Variants in NAA25 observed in about 807,000 individuals in gnomAD.
NAA25 encodes the protein N-alpha-acetyltransferase 25, NatB auxiliary subunit, also known as N-terminal acetyltransferase B complex subunit NAA25.
Under a neutral mutation model 132.5 loss-of-function variants are expected in NAA25, and 30 were observed. The observed-to-expected ratio is 0.23, with a 90% CI of 0.17 to 0.31. The LOEUF is 0.31. Ranked by LOEUF, NAA25 falls within the 10% of genes least tolerant of loss-of-function variation. The pLI, the probability that NAA25 is intolerant of heterozygous loss-of-function variation, is 1.00. For synonymous variants in NAA25, 359 were observed against 401.9 expected, an observed-to-expected ratio of 0.89 and a Z score of 1.28; for missense variants, 771 against 1,150.4, an observed-to-expected ratio of 0.67 and a Z score of 4.77.
intron 4 of NAA25, among the ~76,000 whole-genome samples, chr12:112,081,598 C>T (rs927630767): frequency 1.3e-5 from 2 of 152,114 alleles, no homozygotes; most frequent in African/African-American, 4.8e-5. Flanking sequence ...TAATATGGTT[C>T]CTTCAAGATT....
At position 112,028,498 on chromosome 12, in the gene NAA25, A is replaced by G. The variant is rs1039256891; in HGVS notation, c.*1033T>C. 6.6e-6 allele frequency: 1 copy of G among 152,240 alleles called. No individual in the cohort carries two copies. Among genetic ancestry groups the G allele is most frequent in the Non-Finnish European group, 1.5e-5 (1 of 68,030 alleles). The allele number at this position is 152,240 out of a possible 1,614,324, so 9.4% of individuals were successfully genotyped here. A position where few individuals can be genotyped will look rare whatever the true frequency, so the allele number is the denominator to read the frequency against. On this transcript the variant is annotated 3_prime_UTR_variant, in exon 24 of 24. Transcript: ENST00000261745. Reference sequence around the variant, plus strand: ...GTAGTCCAAACCTCAAACCCACTGAATAACATTTCTTTTGCCAGCCTAAAA... The same window carrying G: ...GTAGTCCAAACCTCAAACCCACTGAGTAACATTTCTTTTGCCAGCCTAAAA...
intron 13 of NAA25, 117 bp downstream of exon 13, chr12:112,060,153 A>G (rs1215010749): frequency 8.3e-6 from 6 of 722,700 alleles, no homozygotes; most frequent in Non-Finnish European, 1.4e-5. Flanking sequence ...CAAGAAAAGC[A>G]GAACCTAAAA....
chr12:112,067,141 G>C (rs745629345), intron 11 of NAA25, among the ~76,000 whole-genome samples: 79 of 152,128 alleles, frequency 5.2e-4, no homozygotes, highest in Non-Finnish European at 7.5e-4. Context: ...AGAGGTTGCA[G>C]AGAGCAGAGA....
intron 17 of NAA25, 26 bp from the exon 18 acceptor site, chr12:112,043,894 T>C (rs535582641): frequency 6.3e-7 from 1 of 1,595,318 alleles, no homozygotes; most frequent in East Asian, 2.2e-5. Context: ...CCCCAAATTA[T>C]CTAACTTATT....
chr12:112,100,614 C>CTTTTTTTTTTTTTTTT (rs71083200), intron 1 of NAA25, among the ~76,000 whole-genome samples: 2 of 100,628 alleles, frequency 2.0e-5, no homozygotes, highest in East Asian at 4.2e-4. Flanking sequence ...ATTCCATTGT[C>CTTTTTTTTTTTTTTTT]TTTTTTTTTT....
intron 18 of NAA25, among the ~76,000 whole-genome samples, 196 bp downstream of exon 18, chr12:112,043,429 T>C (rs2078330618): frequency 6.6e-6 from 1 of 152,186 alleles, no homozygotes; most frequent in African/African-American, 2.4e-5. Context: ...GTTATTTTGC[T>C]TTCTCCCTCA....
intron 5 of NAA25, 99 bp from the exon 6 acceptor site, chr12:112,078,840 T>C: frequency 1.1e-6 from 1 of 950,446 alleles, no homozygotes; most frequent in Non-Finnish European, 1.6e-6. Context: ...CAATCCACCA[T>C]GTCAAATATC....
chr12:112,068,425 A>C (rs1008222870), intron 11 of NAA25, among the ~76,000 whole-genome samples: 1 of 152,128 alleles, frequency 6.6e-6, no homozygotes, highest in African/African-American at 2.4e-5. Context: ...ACCCAAACAC[A>C]CAAAAATCAG....
At chr12:112,078,505 T>C in intron 6 of NAA25, 129 bp downstream of exon 6, 5 of 847,858 alleles carry the variant, frequency 5.9e-6, no homozygotes. Flanking sequence ...GGCTTCAGAT[T>C]TACCCAAAGG....
intron 17 of NAA25, 59 bp from the exon 18 acceptor site, chr12:112,043,927 AATT>A: frequency 6.6e-7 from 1 of 1,511,666 alleles, no homozygotes. Flanking sequence ...CATTGCTTTC[AATT>A]TTTTTTTTTT....
intron 20 of NAA25, 43 bp from the exon 21 acceptor site, chr12:112,040,621 A>C (rs1375383571): frequency 9.3e-7 from 1 of 1,070,864 alleles, no homozygotes; most frequent in South Asian, 1.4e-5. Flanking sequence ...CTTTTGTTTC[A>C]ATGCTATTTT....
intron 1 of NAA25, among the ~76,000 whole-genome samples, chr12:112,105,354 A>T (rs892464213): frequency 6.6e-6 from 1 of 152,200 alleles, no homozygotes; most frequent in Non-Finnish European, 1.5e-5. Context: ...GTCACACAAG[A>T]GTACAAAATC....
At position 112,049,417 on chromosome 12, in the gene NAA25, C is replaced by T. The variant is rs1593764573; in HGVS notation, c.1729-974G>A. ...ACACAGCCTCAGTTAATCAGCTCTGCCCCCATCTCCATTACGTCTGAATAA... is the reference window on the plus strand; with the variant it reads ...ACACAGCCTCAGTTAATCAGCTCTGTCCCCATCTCCATTACGTCTGAATAA... On this transcript the variant is annotated intron_variant, in intron 15 of 23. Coordinates refer to ENST00000261745, the MANE Select transcript of NAA25 (RefSeq NM_024953.4). This position sits in a 1 kb window ranked among gnomAD's most constrained non-coding sequence, Gnocchi z 4.7. The T allele has an allele frequency of 2.1e-6, 2 of 973,534 alleles. No homozygotes were observed. Among genetic ancestry groups the T allele is most frequent in the East Asian group, 1.1e-4 (1 of 8,770 alleles). The allele number at this position is 973,534 out of a possible 1,614,324, so 60.3% of individuals were successfully genotyped here.
intron 4 of NAA25, 81 bp from the exon 5 acceptor site, chr12:112,081,215 T>C: frequency 8.4e-7 from 1 of 1,190,474 alleles, no homozygotes; most frequent in Non-Finnish European, 1.2e-6. Flanking sequence ...ACAAAAAGTT[T>C]CTTGGGAGAA....
At chr12:112,105,118 G>A (rs558227213) in intron 1 of NAA25, among the ~76,000 whole-genome samples, 4 of 151,882 alleles carry the variant, frequency 2.6e-5, no homozygotes, top group Admixed American at 6.6e-5. Flanking sequence ...TCAGGAGTTC[G>A]AGACCAGCCT....
chr12:112,076,039 C>T (rs1343481380), intron 7 of NAA25, among the ~76,000 whole-genome samples: 2 of 152,086 alleles, frequency 1.3e-5, no homozygotes, highest in Non-Finnish European at 2.9e-5. Flanking sequence ...TCTGCCACCA[C>T]GCCTGGCTAA....
At chr12:112,077,334 G>T (rs959759604) in intron 7 of NAA25, among the ~76,000 whole-genome samples, 3 of 151,832 alleles carry the variant, frequency 2.0e-5, no homozygotes, top group South Asian at 2.1e-4. Flanking sequence ...TTAGCTGGGC[G>T]TGGTGGTGTG....
chr12:112,103,529 T>C (rs143575645), intron 1 of NAA25, among the ~76,000 whole-genome samples: 3 of 152,178 alleles, frequency 2.0e-5, no homozygotes, highest in Admixed American at 6.5e-5. Context: ...TGGAAAAAAA[T>C]AGGTTGTGCC....
intron 1 of NAA25, 95 bp downstream of exon 1, chr12:112,108,621 C>T: frequency 8.3e-7 from 1 of 1,203,694 alleles, no homozygotes; most frequent in Non-Finnish European, 1.0e-6. Context: ...GCCCGGCCCG[C>T]GCGCCGGCCC....
Sources: allele counts gnomAD v4.1 joint callset (sites outside exome capture counted in the v4.1 genomes callset), GRCh38; gene constraint gnomAD v4.1.1; non-coding constraint Gnocchi (gnomAD v3.1); transcripts MANE v1.5; gene names NCBI Gene and HGNC (gene_info 2026-07-23, HGNC 2026-07-21).